The following JPH1 variants were observed in gnomAD, a reference collection of about 807,000 sequenced individuals.
JPH1 encodes junctophilin-1.
Under a neutral mutation model 53.6 loss-of-function variants are expected in JPH1, and 12 were observed. That is an observed-to-expected ratio of 0.22 (90% CI 0.14 to 0.36). JPH1 has a LOEUF of 0.36. Ranked by LOEUF, JPH1 falls within the 10% of genes least tolerant of loss-of-function variation. The pLI, the probability that JPH1 is intolerant of heterozygous loss-of-function variation, is 1.00. For missense variants in JPH1, 808 were observed against 905.5 expected (o/e 0.89, Z 1.38); for synonymous variants, 375 against 363.8 (o/e 1.03, Z -0.35).
At chr8:74,312,253 CTTTT>C (rs111390089) in intron 2 of JPH1, among the ~76,000 whole-genome samples, 3 of 151,960 alleles carry the variant, frequency 2.0e-5, no homozygotes, top group African/African-American at 4.8e-5. Flanking sequence ...TTAACAAATT[CTTTT>C]TTTGTTTTTT....
chr8:74,315,320 T>C lies in JPH1; in HGVS notation c.680A>G (p.Glu227Gly). The C allele has an allele frequency of 6.2e-7, 1 of 1,613,852 alleles. No homozygotes were observed. Among genetic ancestry groups the C allele is most frequent in the Non-Finnish European group, 8.5e-7 (1 of 1,180,044 alleles). ...LLGSMKLRKS[E>G]SKSSISSKRS... ...CTTGCTCGAGATGGAAGACTTGGAT[T>C]CGGACTTGCGAAGTTTCATGCTTCC... The change falls in exon 2 of 6, where the codon GAA becomes GGA. Residue 227 changes from glutamate (E) to glycine (G), a missense_variant. Physicochemically the swap from Glu to Gly is moderately conservative, Grantham distance 98. Coordinates refer to ENST00000342232, the MANE Select transcript of JPH1 (RefSeq NM_020647.4). The surrounding 1 kb of genome is among the most constrained non-coding windows in gnomAD (Gnocchi z 6.3).
chr8:74,287,440 T>A (rs953029761), intron 2 of JPH1, among the ~76,000 whole-genome samples: 1 of 151,586 alleles, frequency 6.6e-6, no homozygotes, highest in Non-Finnish European at 1.5e-5. Context: ...AAAATTACTG[T>A]GAGTTAAAAA....
chr8:74,271,089 G>A (rs1426861940), intron 2 of JPH1, among the ~76,000 whole-genome samples: 4 of 152,140 alleles, frequency 2.6e-5, no homozygotes, highest in Admixed American at 6.5e-5. Context: ...TAGGCACAAC[G>A]GGAATGTTGC....
At chr8:74,239,186 A>G (rs1563389917) in intron 4 of JPH1, among the ~76,000 whole-genome samples, 2 of 147,950 alleles carry the variant, frequency 1.4e-5, no homozygotes, top group African/African-American at 4.9e-5. Flanking sequence ...CATCTCTGAG[A>G]TTTTTTTTTT....
At position 74,321,195 on chromosome 8, in the gene JPH1, C is replaced by T. The variant is rs1808313974; in HGVS notation, c.93G>A (p.Gly31=). ...CCGAGTACTCGCCCTGGCCCTTGGG[C>T]CCCGTGCAGATGCCATGCCCGTGCG... is the stretch of plus-strand genomic sequence containing the variant. ...GKAHGHGICT[G]PKGQGEYSGS... Residue 31 remains glycine, a synonymous_variant, in exon 1 of 6, where the codon GGG becomes GGA. Transcript: ENST00000342232. The surrounding 1 kb of genome is among the most constrained non-coding windows in gnomAD (Gnocchi z 4.3). The T allele has an allele frequency of 1.9e-6, 3 of 1,613,012 alleles. No individual in the cohort carries two copies. The highest frequency in any genetic ancestry group is 4.5e-5 in the East Asian group (2 of 44,772).
chr8:74,240,805 G>A (rs1805672594), intron 4 of JPH1, among the ~76,000 whole-genome samples: 1 of 152,200 alleles, frequency 6.6e-6, no homozygotes, highest in Non-Finnish European at 1.5e-5. Context: ...TGCCTTCCAT[G>A]AAGCCAACTT....
chr8:74,274,873 C>T (rs1322215993), intron 2 of JPH1, among the ~76,000 whole-genome samples: 1 of 152,184 alleles, frequency 6.6e-6, no homozygotes, highest in Non-Finnish European at 1.5e-5. Context: ...CTTCACTTTG[C>T]TGGCAGTGGA....
intron 3 of JPH1, among the ~76,000 whole-genome samples, chr8:74,256,954 T>C (rs1472143183): frequency 1.3e-5 from 2 of 152,242 alleles, no homozygotes; most frequent in Non-Finnish European, 2.9e-5. Context: ...TGGAGACTTT[T>C]ATATCTGAGA....
chr8:74,293,448 C>T (rs1807400438), intron 2 of JPH1, among the ~76,000 whole-genome samples: 2 of 152,136 alleles, frequency 1.3e-5, no homozygotes, highest in African/African-American at 4.8e-5. Context: ...AACTATCATG[C>T]CCATTTTACA....
chr8:74,252,537 C>T (rs567830535), intron 3 of JPH1, among the ~76,000 whole-genome samples: 10 of 152,178 alleles, frequency 6.6e-5, no homozygotes, highest in Non-Finnish European at 1.2e-4. Flanking sequence ...CAAATTCACA[C>T]ATAACAATAC....
chr8:74,315,354 A>G lies in JPH1; in HGVS notation c.646T>C (p.Ser216Pro). The G allele has an allele frequency of 6.2e-7, 1 of 1,613,068 alleles. No individual in the cohort carries two copies. The highest frequency in any genetic ancestry group is 1.3e-5 in the African/African-American group (1 of 74,996). The change falls in exon 2 of 6, where the codon TCC (serine) becomes CCC (proline). Residue 216 changes from serine to proline, a missense_variant. Around this residue, in one of 2 missense-constraint regions of JPH1, gnomAD observed 756 missense variants for 811.9 expected, o/e 0.93. Transcript: ENST00000342232. This position sits in a 1 kb window ranked among gnomAD's most constrained non-coding sequence, Gnocchi z 6.3. ...CGAAGTTTCATGCTTCCAAGAAGGG[A>G]GCCCCTCCGGAAGAGGCCGCCCTTC... ...KKKGGLFRRG[S>P]LLGSMKLRKS...
At chr8:74,301,819 G>C (rs561462429) in intron 2 of JPH1, among the ~76,000 whole-genome samples, 1 of 152,234 alleles carries the variant, frequency 6.6e-6, no homozygotes, top group East Asian at 1.9e-4. Flanking sequence ...CAAGATTTGT[G>C]GCTGTTGAAT....
intron 2 of JPH1, among the ~76,000 whole-genome samples, chr8:74,295,299 GTGTGTGTATATAGTTCTATA>G (rs1199006759): frequency 1.3e-5 from 2 of 152,144 alleles, no homozygotes; most frequent in African/African-American, 2.4e-5. Context: ...CTATATGTGT[GTGTGTGTATATAGTTCTATA>G]TGTGTGTACA....
intron 4 of JPH1, among the ~76,000 whole-genome samples, chr8:74,240,545 C>T (rs2131373889): frequency 6.6e-6 from 1 of 152,314 alleles, no homozygotes; most frequent in Non-Finnish European, 1.5e-5. Flanking sequence ...TTTCACTTCA[C>T]ATCATGACCA....
intron 2 of JPH1, among the ~76,000 whole-genome samples, chr8:74,303,285 G>A (rs895782277): frequency 1.3e-5 from 2 of 152,094 alleles, no homozygotes; most frequent in Non-Finnish European, 2.9e-5. Flanking sequence ...TATCTTTTAG[G>A]CTAGCATCTT....
At chr8:74,305,006 A>G (rs1253007479) in intron 2 of JPH1, among the ~76,000 whole-genome samples, 2 of 152,232 alleles carry the variant, frequency 1.3e-5, no homozygotes, top group African/African-American at 4.8e-5. Flanking sequence ...AACAGCAACT[A>G]AAACAGAAAG....
intron 2 of JPH1, among the ~76,000 whole-genome samples, chr8:74,291,430 C>A (rs533776635): frequency 4.7e-4 from 71 of 152,304 alleles, no homozygotes; most frequent in African/African-American, 1.6e-3. Context: ...CAATGAGATA[C>A]CATCTCACAC....
In JPH1 at chr8:74,270,587, G is replaced by C. The variant is rs1806670151; in HGVS notation, c.1140-11084C>G. The stretch of plus-strand genomic sequence containing the variant: ...TGGTGCAATTTGGGGAGCAAAGTCA[G>C]TTTTGAAGATGAATGCATGTACATC... On this transcript the variant is annotated intron_variant, in intron 2 of 5. Coordinates refer to ENST00000342232, the MANE Select transcript of JPH1 (RefSeq NM_020647.4). Among the ~76,000 whole-genome samples the C allele has an allele frequency of 2.0e-5, 3 of 152,190 alleles. No individual in the cohort carries two copies. In the South Asian group the frequency reaches 6.2e-4, roughly 32 times the overall value.
At chr8:74,245,915 GAAA>G (rs112727683) in intron 3 of JPH1, among the ~76,000 whole-genome samples, 12 of 86,280 alleles carry the variant, frequency 1.4e-4, no homozygotes, top group South Asian at 8.3e-4. Context: ...AGGAAAAAAT[GAAA>G]AAAAAAAAAA....
Sources: gnomAD v4.1 joint callset for allele counts (sites outside exome capture counted in the v4.1 genomes callset) on GRCh38, gnomAD v4.1.1 for gene constraint, gnomAD v4.1.1 regional missense constraint, Gnocchi (gnomAD v3.1) non-coding constraint, MANE v1.5 for transcripts, NCBI Gene and HGNC (gene_info 2026-07-23, HGNC 2026-07-21) for gene names.